PDE4D: variants seen among roughly 807,000 people sequenced by gnomAD.
The protein encoded by PDE4D is phosphodiesterase 4D, also known as 3',5'-cyclic-AMP phosphodiesterase 4D.
PDE4D carries 24 observed loss-of-function variants against 87.4 expected under a neutral mutation model. That is an observed-to-expected ratio of 0.27 (90% CI 0.20 to 0.39). PDE4D has a LOEUF of 0.39. Ranked by LOEUF, PDE4D falls within the 10% of genes least tolerant of loss-of-function variation. PDE4D has a pLI of 1.00. For missense variants in PDE4D, 714 were observed against 1,041.0 expected (o/e 0.69, Z 4.32); for synonymous variants, 384 against 383.2 (o/e 1.00, Z -0.02).
chr5:60,080,365 C>T (rs564815130), intron 2 of PDE4D, among the ~76,000 whole-genome samples: 21 of 152,114 alleles, frequency 1.4e-4, no homozygotes, highest in Non-Finnish European at 2.6e-4. Flanking sequence ...ATTTGATCAC[C>T]CTTTCTTTCT....
intron 3 of PDE4D, among the ~76,000 whole-genome samples, chr5:59,186,722 G>A: frequency 6.6e-6 from 1 of 152,158 alleles, no homozygotes; most frequent in Non-Finnish European, 1.5e-5. Context: ...AGGAGTTAAT[G>A]CTGCTTCCTA....
intron 5 of PDE4D, among the ~76,000 whole-genome samples, chr5:59,051,790 A>G (rs1324524988): frequency 6.6e-6 from 1 of 152,252 alleles, no homozygotes; most frequent in Non-Finnish European, 1.5e-5. Flanking sequence ...ACCTATACCT[A>G]TATGTCAGGT....
At chr5:60,506,202 C>T (rs1045181198) in intron 1 of PDE4D, among the ~76,000 whole-genome samples, 1 of 152,196 alleles carries the variant, frequency 6.6e-6, no homozygotes, top group Non-Finnish European at 1.5e-5. Flanking sequence ...AGAACTGGAA[C>T]ATGTATTCAC....
At chr5:59,029,444 A>G (rs936258421) in intron 6 of PDE4D, among the ~76,000 whole-genome samples, 12 of 147,002 alleles carry the variant, frequency 8.2e-5, no homozygotes, top group African/African-American at 2.7e-4. Context: ...AAAACTTAGG[A>G]GCAAATCTAA....
intron 1 of PDE4D, among the ~76,000 whole-genome samples, chr5:59,281,791 C>T (rs958156939): frequency 2.6e-5 from 4 of 152,094 alleles, no homozygotes; most frequent in Admixed American, 1.3e-4. Flanking sequence ...CTCTAGATAT[C>T]TTATATAGGG....
At chr5:59,955,770 A>ACCCT (rs1305071310) in intron 3 of PDE4D, among the ~76,000 whole-genome samples, 1 of 151,568 alleles carries the variant, frequency 6.6e-6, no homozygotes, top group Non-Finnish European at 1.5e-5. Flanking sequence ...TTGCTTTACA[A>ACCCT]CCCTCCCTCC....
intron 5 of PDE4D, among the ~76,000 whole-genome samples, chr5:59,102,921 C>T (rs1271275411): frequency 6.6e-6 from 1 of 152,112 alleles, no homozygotes; most frequent in African/African-American, 2.4e-5. Context: ...AATGTTAAGA[C>T]TACCATAAAA....
At chr5:59,261,576 T>C (rs1320253387) in intron 1 of PDE4D, among the ~76,000 whole-genome samples, 1 of 151,864 alleles carries the variant, frequency 6.6e-6, no homozygotes, top group Non-Finnish European at 1.5e-5. Flanking sequence ...AGTGAAATAA[T>C]GCCTTATATT....
chr5:59,655,009 T>C (rs949526574), intron 1 of PDE4D, among the ~76,000 whole-genome samples: 1 of 152,202 alleles, frequency 6.6e-6, no homozygotes, highest in Non-Finnish European at 1.5e-5. Context: ...ATAATGTTGC[T>C]GTGAACATTT....
At chr5:60,160,026 A>T (rs560526154) in intron 2 of PDE4D, among the ~76,000 whole-genome samples, 40 of 152,194 alleles carry the variant, frequency 2.6e-4, no homozygotes, top group Non-Finnish European at 4.7e-4. Flanking sequence ...AGACAGCAAG[A>T]TCAACCTGAC....
intron 1 of PDE4D, among the ~76,000 whole-genome samples, chr5:59,653,535 G>T (rs379578): frequency 0.33 from 49,664 of 151,972 alleles, 9,577 homozygotes; most frequent in East Asian, 0.74. Context: ...GTGGGGTGTG[G>T]TATAAATAAA....
chr5:59,957,425 G>T (rs964182070), intron 3 of PDE4D, among the ~76,000 whole-genome samples: 1 of 151,586 alleles, frequency 6.6e-6, no homozygotes, highest in Admixed American at 6.6e-5. Flanking sequence ...GTCAGTGCAC[G>T]TATGTGTATG....
chr5:59,122,075 G>A (rs1774607954), intron 5 of PDE4D, among the ~76,000 whole-genome samples: 1 of 148,602 alleles, frequency 6.7e-6, no homozygotes, highest in Admixed American at 6.8e-5. Flanking sequence ...CCGGGAGGCG[G>A]AGGTTGCAGT....
intron 1 of PDE4D, among the ~76,000 whole-genome samples, chr5:60,281,304 C>T (rs1751875069): frequency 6.6e-6 from 1 of 152,200 alleles, no homozygotes; most frequent in Non-Finnish European, 1.5e-5. Flanking sequence ...CAAAATCAAA[C>T]TTCTTGTCGT....
At chr5:59,246,014 A>T (rs1328860337) in intron 1 of PDE4D, among the ~76,000 whole-genome samples, 5 of 149,548 alleles carry the variant, frequency 3.3e-5, no homozygotes, top group African/African-American at 1.2e-4. Flanking sequence ...TAAATATTAT[A>T]TATAAATGTA....
At position 59,021,589 on chromosome 5, in the gene PDE4D, A is replaced by G. The variant is rs1755161381; in HGVS notation, c.921+17270T>C. Among the ~76,000 whole-genome samples the G allele has an allele frequency of 2.0e-5, 3 of 152,260 alleles. No individual in the cohort carries two copies. In the South Asian group the frequency reaches 6.2e-4, roughly 32 times the overall value. On this transcript the variant is annotated intron_variant, in intron 6 of 14. Coordinates refer to ENST00000340635, the MANE Select transcript of PDE4D (RefSeq NM_001104631.2). ...CACTACATAATTTATGTAAGTTTTC[A>G]CTTAATTTTCAACACAATCCTTTGA...
At chr5:60,144,810 G>T (rs564793551) in intron 2 of PDE4D, among the ~76,000 whole-genome samples, 5 of 152,190 alleles carry the variant, frequency 3.3e-5, no homozygotes, top group Non-Finnish European at 7.4e-5. Context: ...ATACAACATG[G>T]CACCAATTGC....
chr5:60,474,150 A>ATATAT (rs1274940940), intron 1 of PDE4D, among the ~76,000 whole-genome samples: 354 of 96,210 alleles, frequency 3.7e-3, no homozygotes, highest in Non-Finnish European at 4.5e-3. Context: ...ATATATATAT[A>ATATAT]ACAAAAACCT....
intron 5 of PDE4D, among the ~76,000 whole-genome samples, chr5:59,152,665 A>G (rs986138352): frequency 3.3e-5 from 5 of 151,936 alleles, no homozygotes; most frequent in Non-Finnish European, 7.4e-5. Flanking sequence ...GATGGGATTA[A>G]CTAAATTGAC....
Sources: allele counts gnomAD v4.1 joint callset (sites outside exome capture counted in the v4.1 genomes callset), GRCh38; gene constraint gnomAD v4.1.1; transcripts MANE v1.5; gene names NCBI Gene and HGNC (gene_info 2026-07-23, HGNC 2026-07-21).